KPNB1: variants seen among roughly 807,000 people sequenced by gnomAD.
KPNB1 encodes karyopherin subunit beta 1.
KPNB1 carries 7 observed loss-of-function variants against 113.0 expected under a neutral mutation model. That is an observed-to-expected ratio of 0.06 (90% CI 0.04 to 0.12). The LOEUF is 0.12. KPNB1 is among the 10% of genes least tolerant of loss of function. The pLI, the probability that KPNB1 is intolerant of heterozygous loss-of-function variation, is 1.00. For missense variants in KPNB1, 400 were observed against 1,054.8 expected, an observed-to-expected ratio of 0.38 and a Z score of 8.60; for synonymous variants, 363 against 378.6, an observed-to-expected ratio of 0.96 and a Z score of 0.48.
intron 2 of KPNB1, among the ~76,000 whole-genome samples, chr17:47,651,792 G>A (rs1432860008): frequency 6.6e-6 from 1 of 152,152 alleles, no homozygotes; most frequent in African/African-American, 2.4e-5. Context: ...GTTTGGGCAC[G>A]GTTTTTGGTG....
At chr17:47,654,383 C>T (rs1334170554) in intron 3 of KPNB1, among the ~76,000 whole-genome samples, 2 of 149,362 alleles carry the variant, frequency 1.3e-5, no homozygotes, top group African/African-American at 5.0e-5. Flanking sequence ...CATTGCACTC[C>T]AGCCTGGGTG....
chr17:47,650,062 G>A lies in KPNB1; in HGVS notation c.-183G>A. ...TTTGGAGGGAGGAAGTAAGGGAAGAGGAGAGGAAGGGGAGCCGGACCGACT... is the reference window on the plus strand; with the variant it reads ...TTTGGAGGGAGGAAGTAAGGGAAGAAGAGAGGAAGGGGAGCCGGACCGACT... On this transcript the variant is annotated 5_prime_UTR_variant, in exon 1 of 22. Coordinates refer to ENST00000290158, the MANE Select transcript of KPNB1 (RefSeq NM_002265.6). 2 of 1,390,236 alleles carry A rather than the reference G, an allele frequency of 1.4e-6. No homozygotes were observed. Among genetic ancestry groups the A allele is most frequent in the Admixed American group, 3.3e-5 (1 of 30,110 alleles). The allele number at this position is 1,390,236 out of a possible 1,614,324, so 86.1% of individuals were successfully genotyped here. A position where few individuals can be genotyped will look rare whatever the true frequency, so the allele number is the denominator to read the frequency against.
chr17:47,662,023 C>T (rs1387384989), intron 6 of KPNB1: 2 of 152,124 alleles, frequency 1.3e-5, no homozygotes, highest in Non-Finnish European at 2.9e-5. Context: ...AAAACCTGAC[C>T]CTTCAAGAAG....
At chr17:47,660,805 T>C (rs2030069832) in intron 5 of KPNB1, among the ~76,000 whole-genome samples, 1 of 152,254 alleles carries the variant, frequency 6.6e-6, no homozygotes, top group African/African-American at 2.4e-5. Flanking sequence ...TTTTATCTTT[T>C]AACCATTTTT....
intron 15 of KPNB1, among the ~76,000 whole-genome samples, chr17:47,675,361 G>GTTT (rs1166648701): frequency 0.016 from 1,429 of 88,462 alleles, 195 homozygotes; most frequent in African/African-American, 0.028. Flanking sequence ...CAGAGGTGTT[G>GTTT]TTTTTTTTTT....
At chr17:47,665,224 T>G in intron 9 of KPNB1, 66 bp downstream of exon 9, 1 of 1,308,904 alleles carries the variant, frequency 7.6e-7, no homozygotes, top group African/African-American at 1.4e-5. Context: ...CTGTGGAAAC[T>G]TTCCATGGAA....
At position 47,682,753 on chromosome 17, in the gene KPNB1, G is replaced by C. The variant is rs759791968; in HGVS notation, c.*349G>C. ...GCTTTTCTGTCTTTTGGCCAGTGCC[G>C]AGTGGAATGCCTGGTTTGGGGGAGG... On this transcript the variant is annotated 3_prime_UTR_variant, in exon 22 of 22. Transcript: ENST00000290158. 2 of 299,830 alleles carry C rather than the reference G, an allele frequency of 6.7e-6. No homozygotes were observed. The highest frequency in any genetic ancestry group is 1.3e-5 in the Non-Finnish European group (2 of 158,916). The allele number at this position is 299,830 out of a possible 1,614,324, so 18.6% of individuals were successfully genotyped here. A position where few individuals can be genotyped will look rare whatever the true frequency, so the allele number is the denominator to read the frequency against.
At chr17:47,669,545 T>A (rs1042489504) in intron 10 of KPNB1, 133 bp from the exon 11 acceptor site, 2 of 607,876 alleles carry the variant, frequency 3.3e-6, no homozygotes, top group African/African-American at 3.6e-5. Context: ...TCACACCATG[T>A]CCTGTAAAAT....
chr17:47,665,008 A>G (rs1353736878), intron 8 of KPNB1, 49 bp from the exon 9 acceptor site: 3 of 1,395,446 alleles, frequency 2.1e-6, no homozygotes, highest in African/African-American at 1.4e-5. Context: ...TGCCTTTAGT[A>G]TACAGAGCTC....
At chr17:47,657,526 T>C (rs1310123072) in intron 4 of KPNB1, among the ~76,000 whole-genome samples, 4 of 152,222 alleles carry the variant, frequency 2.6e-5, no homozygotes, top group African/African-American at 9.6e-5. Flanking sequence ...ACTCTTGGTG[T>C]GTATTTTAAT....
intron 3 of KPNB1, among the ~76,000 whole-genome samples, chr17:47,654,415 TAAA>T (rs374274253): frequency 3.8e-4 from 46 of 119,878 alleles, no homozygotes; most frequent in African/African-American, 1.3e-3. Context: ...CTCCATTTCT[TAAA>T]AAAAAAAAAA....
Position 47,656,852 on chromosome 17 carries a change from TGGTGCAGG to T in KPNB1, c.283-7_283del. ...AATTTGTATCTTTTGTCTTTTTTTT[TGGTGCAGG>T]TTTTGCAGACATTGGGTACAGAAAC... On this transcript the variant is annotated splice_acceptor_variant and splice_polypyrimidine_tract_variant and coding_sequence_variant and intron_variant, in exon 4 of 22. Transcript: ENST00000290158. LOFTEE classifies it high-confidence loss of function. The T allele has an allele frequency of 1.2e-6, 2 of 1,612,256 alleles. No individual in the cohort carries two copies. The highest frequency in any genetic ancestry group is 3.3e-5 in the Admixed American group (2 of 59,928).
intron 15 of KPNB1, among the ~76,000 whole-genome samples, chr17:47,675,361 G>GTTGTTTTTTTTTTTTTTTTTTTTTT (rs1567894260): frequency 4.5e-5 from 4 of 88,690 alleles, no homozygotes; most frequent in African/African-American, 9.3e-5. Flanking sequence ...CAGAGGTGTT[G>GTTGTTTTTTTTTTTTTTTTTTTTTT]TTTTTTTTTT....
chr17:47,680,218 C>T (rs1329549249), intron 20 of KPNB1, 84 bp downstream of exon 20: 5 of 993,286 alleles, frequency 5.0e-6, no homozygotes, highest in South Asian at 2.7e-5. Context: ...TTGAGAGTAT[C>T]GCGGATGGCA....
intron 19 of KPNB1, 41 bp from the exon 20 acceptor site, chr17:47,679,979 G>C (rs376709831): frequency 1.5e-6 from 2 of 1,360,348 alleles, no homozygotes; most frequent in African/African-American, 2.9e-5. Flanking sequence ...TTACAGGCAT[G>C]AGCCACCGCA....
intron 17 of KPNB1, 88 bp downstream of exon 17, chr17:47,677,215 G>A (rs989703434): frequency 1.0e-5 from 11 of 1,053,294 alleles, no homozygotes; most frequent in South Asian, 7.0e-5. Flanking sequence ...CAGGCTGGGC[G>A]CAGTGGCCTG....
chr17:47,661,172 T>C lies in KPNB1; in HGVS notation c.690T>C (p.Asp230=). 1 of 1,611,974 alleles carries C rather than the reference T, an allele frequency of 6.2e-7. No homozygotes were observed. The highest frequency in any genetic ancestry group is 8.5e-7 in the Non-Finnish European group (1 of 1,177,968). ...QVVCEATQCP[D]TRVRVAALQN... is the part of the protein sequence containing the mutation. ...TCTGTGAAGCCACACAGTGTCCAGA[T>C]ACGAGGGTAAGTGTGAGGTTATATG... Residue 230 remains aspartate, a synonymous_variant, in exon 6 of 22, where the codon GAT becomes GAC. Coordinates refer to ENST00000290158, the MANE Select transcript of KPNB1 (RefSeq NM_002265.6).
At chr17:47,659,126 A>G (rs887862186) in intron 5 of KPNB1, among the ~76,000 whole-genome samples, 6 of 152,116 alleles carry the variant, frequency 3.9e-5, no homozygotes, top group African/African-American at 4.8e-5. Context: ...AGGCGGGTGG[A>G]TCATCAGGTC....
chr17:47,650,937 C>T (rs1915545461), intron 2 of KPNB1, among the ~76,000 whole-genome samples: 1 of 152,190 alleles, frequency 6.6e-6, no homozygotes, highest in African/African-American at 2.4e-5. Flanking sequence ...CTACCTTGGT[C>T]TGTACTCATG....
Sources: gnomAD v4.1 joint callset for allele counts (sites outside exome capture counted in the v4.1 genomes callset) on GRCh38, gnomAD v4.1.1 for gene constraint, MANE v1.5 for transcripts, NCBI Gene and HGNC (gene_info 2026-07-23, HGNC 2026-07-21) for gene names.